Variants in GLDC observed in about 807,000 individuals in gnomAD.
The protein encoded by GLDC is glycine dehydrogenase (decarboxylating), mitochondrial.
Under a neutral mutation model 121.3 loss-of-function variants are expected in GLDC, and 104 were observed. The ratio of observed to expected loss-of-function variants is 0.86; its 90% CI spans 0.73 to 1.01. GLDC has a LOEUF of 1.01. GLDC is among the 50% of genes least tolerant of loss of function. The probability of loss-of-function intolerance (pLI) is 0.00; values close to 1 mark genes in which losing one functional copy is unlikely to be tolerated. For missense variants in GLDC, 1,429 were observed against 1,306.6 expected (o/e 1.09, Z -1.44); for synonymous variants, 546 against 480.6 (o/e 1.14, Z -1.78).
intron 2 of GLDC, among the ~76,000 whole-genome samples, chr9:6,636,113 G>A (rs958063026): frequency 6.6e-6 from 1 of 151,908 alleles, no homozygotes; most frequent in Admixed American, 6.6e-5. Context: ...GACCAGCCTG[G>A]CTAACATGGT....
chr9:6,538,407 C>T (rs1255945547), intron 22 of GLDC, among the ~76,000 whole-genome samples: 1 of 152,234 alleles, frequency 6.6e-6, no homozygotes, highest in South Asian at 2.1e-4. Context: ...AAGACTCACA[C>T]AGAAGCTGCG....
intron 20 of GLDC, among the ~76,000 whole-genome samples, chr9:6,552,773 A>C (rs1352844795): frequency 1.3e-5 from 2 of 152,070 alleles, no homozygotes; most frequent in Non-Finnish European, 2.9e-5. Flanking sequence ...TAGAAAATCA[A>C]CTCTGGCCCT....
intron 2 of GLDC, among the ~76,000 whole-genome samples, 158 bp from the exon 3 acceptor site, chr9:6,620,477 A>C (rs1819069168): frequency 6.9e-6 from 1 of 145,306 alleles, no homozygotes. Context: ...ACTGTATGCG[A>C]CATCTCAAAA....
intron 15 of GLDC, among the ~76,000 whole-genome samples, chr9:6,568,298 G>A (rs772998010): frequency 2.6e-5 from 4 of 152,066 alleles, no homozygotes; most frequent in Non-Finnish European, 5.9e-5. Context: ...ATTACTACTG[G>A]GGCATTAGTA....
rs374022098 is a variant in GLDC at position 6,536,160 on chromosome 9, T to A, written c.2742A>T (p.Ala914=). The A allele has an allele frequency of 4.6e-5, 74 of 1,613,988 alleles. No homozygotes were observed. Among genetic ancestry groups the A allele is most frequent in the Non-Finnish European group, 5.5e-5 (65 of 1,179,960 alleles). ...MVEPTESEDK[A]ELDRFCDAMI... The stretch of plus-strand genomic sequence containing the variant: ...TGGCATCACAGAATCTGTCCAGCTC[T>A]GCCTTGTCCTCCGACTCAGTGGGCT... The change falls in exon 23 of 25, where the codon GCA becomes GCT. Residue 914 remains alanine, a synonymous_variant. Coordinates refer to ENST00000321612, the MANE Select transcript of GLDC (RefSeq NM_000170.3).
intron 10 of GLDC, among the ~76,000 whole-genome samples, 170 bp from the exon 11 acceptor site, chr9:6,592,393 C>T (rs1284731290): frequency 1.3e-5 from 2 of 152,310 alleles, no homozygotes; most frequent in South Asian, 2.1e-4. Flanking sequence ...CTAGACCAGT[C>T]CCAGGTTTCA....
Position 6,592,125 on chromosome 9 carries a change from T to C in GLDC, c.1482+18A>G, listed in dbSNP as rs770032700. The C allele has an allele frequency of 2.7e-6, 4 of 1,477,158 alleles. No individual in the cohort carries two copies. Among genetic ancestry groups the C allele is most frequent in the Admixed American group, 3.3e-5 (2 of 59,874 alleles). The allele number at this position is 1,477,158 out of a possible 1,614,324, so 91.5% of individuals were successfully genotyped here. On this transcript the variant is annotated intron_variant, in intron 11 of 24. Coordinates refer to ENST00000321612, the MANE Select transcript of GLDC (RefSeq NM_000170.3). ...TCCAATAGTTATGATGAGGAACGCA[T>C]GTTTTTATTTTACTTACTGCAGATG...
chr9:6,560,366 C>G (rs1356830743), intron 16 of GLDC, among the ~76,000 whole-genome samples: 1 of 152,216 alleles, frequency 6.6e-6, no homozygotes, highest in African/African-American at 2.4e-5. Context: ...TAGCCAAAGG[C>G]AAACATGAAC....
chr9:6,543,135 G>A (rs1167305116), intron 21 of GLDC, among the ~76,000 whole-genome samples: 1 of 151,502 alleles, frequency 6.6e-6, no homozygotes, highest in African/African-American at 2.4e-5. Flanking sequence ...AATTAGCCAG[G>A]TGTGTGGCAG....
chr9:6,614,212 G>C (rs1383106352), intron 3 of GLDC, among the ~76,000 whole-genome samples: 1 of 151,690 alleles, frequency 6.6e-6, no homozygotes, highest in Non-Finnish European at 1.5e-5. Context: ...AAACTACTAA[G>C]TATTAAGAAG....
At chr9:6,638,281 T>C (rs1819550527) in intron 2 of GLDC, among the ~76,000 whole-genome samples, 1 of 151,972 alleles carries the variant, frequency 6.6e-6, no homozygotes, top group Non-Finnish European at 1.5e-5. Context: ...GCGACTTAGC[T>C]CACTGCAACC....
At chr9:6,625,333 T>A (rs931324698) in intron 2 of GLDC, among the ~76,000 whole-genome samples, 1 of 152,106 alleles carries the variant, frequency 6.6e-6, no homozygotes, top group African/African-American at 2.4e-5. Context: ...GTCACGTTGT[T>A]CCACAAGCAG....
intron 21 of GLDC, chr9:6,541,411 C>T (rs1278851633): frequency 6.6e-6 from 1 of 152,276 alleles, no homozygotes; most frequent in African/African-American, 2.4e-5. Flanking sequence ...AAAATGAATC[C>T]ACTTATAGAG....
intron 15 of GLDC, among the ~76,000 whole-genome samples, chr9:6,586,748 T>C (rs1261351766): frequency 2.0e-5 from 3 of 152,198 alleles, no homozygotes; most frequent in Non-Finnish European, 4.4e-5. Flanking sequence ...CTTTAATAGA[T>C]AGACTAATCT....
chr9:6,632,446 A>C (rs1819403873), intron 2 of GLDC, among the ~76,000 whole-genome samples: 1 of 152,196 alleles, frequency 6.6e-6, no homozygotes, highest in Non-Finnish European at 1.5e-5. Flanking sequence ...AGGCATTGAG[A>C]ATTCTTACTA....
At chr9:6,629,391 T>G (rs1161917303) in intron 2 of GLDC, among the ~76,000 whole-genome samples, 1 of 151,964 alleles carries the variant, frequency 6.6e-6, no homozygotes, top group African/African-American at 2.4e-5. Flanking sequence ...ATTTTTGTAT[T>G]TTTGGTGGAG....
In GLDC at chr9:6,554,960, A is replaced by G. The variant is rs1817592238; in HGVS notation, c.2203-179T>C. 7.5e-6 allele frequency: 5 copies of G among 670,630 alleles called. No homozygotes were observed. The Middle Eastern group carries it at 1.4e-3, about 192-fold the overall frequency. 41.5% of individuals were successfully genotyped at this position (670,630 alleles called of 1,614,324 possible). Reference sequence around the variant, plus strand: ...CCCAGTTCCGTAGTCACAAACTGGCATCCGATAGGCAGAGTGCTTGTGGTT... The same window carrying G: ...CCCAGTTCCGTAGTCACAAACTGGCGTCCGATAGGCAGAGTGCTTGTGGTT... On this transcript the variant is annotated intron_variant, in intron 18 of 24. Coordinates refer to ENST00000321612, the MANE Select transcript of GLDC (RefSeq NM_000170.3).
intron 15 of GLDC, chr9:6,569,416 G>A (rs1444493583): frequency 6.6e-6 from 1 of 152,220 alleles, no homozygotes; most frequent in Non-Finnish European, 1.5e-5. Flanking sequence ...CACTTTGGGA[G>A]GCCGAGGTGG....
At chr9:6,602,923 T>A (rs1294351216) in intron 7 of GLDC, among the ~76,000 whole-genome samples, 1 of 152,058 alleles carries the variant, frequency 6.6e-6, no homozygotes, top group Non-Finnish European at 1.5e-5. Flanking sequence ...AATACAACAA[T>A]TAAAAATCAC....
Sources: gnomAD v4.1 joint callset for allele counts (sites outside exome capture counted in the v4.1 genomes callset) on GRCh38, gnomAD v4.1.1 for gene constraint, MANE v1.5 for transcripts, NCBI Gene and HGNC (gene_info 2026-07-23, HGNC 2026-07-21) for gene names.